The following TXNRD1 variants were observed in gnomAD, a reference collection of about 807,000 sequenced individuals.
TXNRD1 encodes the protein thioredoxin reductase 1, cytoplasmic.
A neutral mutation model predicts 80.3 loss-of-function variants in TXNRD1; 57 were observed. The ratio of observed to expected loss-of-function variants is 0.71; its 90% CI spans 0.57 to 0.89. The LOEUF (loss-of-function observed/expected upper bound fraction) is 0.89, where lower values mean the gene tolerates loss of function less well. Among genes scored for constraint, TXNRD1 ranks in the 40% least tolerant of loss-of-function variants. TXNRD1 has a pLI of 0.00. For synonymous variants in TXNRD1, 291 were observed against 285.2 expected, an observed-to-expected ratio of 1.02 and a Z score of -0.20; for missense variants, 730 against 803.0, an observed-to-expected ratio of 0.91 and a Z score of 1.10.
chr12:104,337,259 A>G (rs891681006), intron 15 of TXNRD1, among the ~76,000 whole-genome samples: 5 of 152,010 alleles, frequency 3.3e-5, no homozygotes, highest in South Asian at 4.1e-4. Context: ...GTGTAAGAGT[A>G]CCATATGCAA....
chr12:104,238,234 T>C (rs2032780578), intron 1 of TXNRD1, among the ~76,000 whole-genome samples: 1 of 152,200 alleles, frequency 6.6e-6, no homozygotes, highest in Non-Finnish European at 1.5e-5. Context: ...AAAGACGGTT[T>C]ATAATCAAGC....
At chr12:104,258,559 G>A (rs997396111) in intron 3 of TXNRD1, among the ~76,000 whole-genome samples, 4 of 152,194 alleles carry the variant, frequency 2.6e-5, no homozygotes, top group Admixed American at 1.3e-4. Context: ...AAAATGGAAA[G>A]CTTCTTTCTA....
chr12:104,325,764 C>T (rs533136415), intron 11 of TXNRD1, among the ~76,000 whole-genome samples: 6 of 151,498 alleles, frequency 4.0e-5, no homozygotes, highest in East Asian at 1.9e-4. Flanking sequence ...CCCAGCTATT[C>T]GGGACGTTGA....
intron 4 of TXNRD1, among the ~76,000 whole-genome samples, chr12:104,290,820 A>C (rs2034176463): frequency 6.9e-6 from 1 of 145,260 alleles, no homozygotes; most frequent in African/African-American, 2.5e-5. Flanking sequence ...TTACATTTAC[A>C]AAGTTATATA....
intron 4 of TXNRD1, among the ~76,000 whole-genome samples, chr12:104,307,397 A>G (rs531916299): frequency 6.6e-6 from 1 of 152,306 alleles, no homozygotes; most frequent in East Asian, 1.9e-4. Context: ...GCACTTCTTG[A>G]CTTAGTTCCA....
At chr12:104,281,118 C>T (rs1272270727) in intron 3 of TXNRD1, among the ~76,000 whole-genome samples, 1 of 152,096 alleles carries the variant, frequency 6.6e-6, no homozygotes, top group Non-Finnish European at 1.5e-5. Context: ...CTATTGTTTT[C>T]CCCCACCTCC....
intron 16 of TXNRD1, among the ~76,000 whole-genome samples, chr12:104,346,337 G>A (rs1054854576): frequency 2.0e-5 from 3 of 152,150 alleles, no homozygotes; most frequent in African/African-American, 2.4e-5. Flanking sequence ...ACTGATCAAC[G>A]ATGGCAGTTT....
At chr12:104,324,947 T>G (rs2035703669) in intron 10 of TXNRD1, among the ~76,000 whole-genome samples, 1 of 152,216 alleles carries the variant, frequency 6.6e-6, no homozygotes, top group Non-Finnish European at 1.5e-5. Flanking sequence ...AGAGAATCTC[T>G]GAATTTGGGC....
At chr12:104,309,752 C>G in intron 4 of TXNRD1, 1 of 1,513,160 alleles carries the variant, frequency 6.6e-7, no homozygotes, top group Admixed American at 2.0e-5. Flanking sequence ...TTGTTTTTCC[C>G]CCACAGTGCT....
At chr12:104,334,113 C>A in intron 14 of TXNRD1, 124 bp from the exon 15 acceptor site, 1 of 427,902 alleles carries the variant, frequency 2.3e-6, no homozygotes, top group Non-Finnish European at 4.1e-6. Flanking sequence ...CTATTTATTC[C>A]ATGAATTTTA....
At chr12:104,255,511 A>C (rs887292279) in intron 2 of TXNRD1, among the ~76,000 whole-genome samples, 4 of 152,142 alleles carry the variant, frequency 2.6e-5, no homozygotes, top group African/African-American at 9.7e-5. Flanking sequence ...ATTTAAACAT[A>C]CAGTTGCCCG....
chr12:104,307,068 C>T lies in TXNRD1; in HGVS notation c.415-4222C>T, dbSNP rs187477670. Among the ~76,000 whole-genome samples the T allele has an allele frequency of 2.0e-5, 3 of 152,210 alleles. No homozygotes were observed. The East Asian group carries it at 5.8e-4, about 29-fold the overall frequency. ...TGTTAAAATATAAAGTTGACCACTT[C>T]TGTTTCTATTTTTACTGGTTGGCAT... On this transcript the variant is annotated intron_variant, in intron 4 of 16. Transcript: ENST00000525566.
intron 16 of TXNRD1, among the ~76,000 whole-genome samples, chr12:104,343,827 G>C (rs2036405723): frequency 6.6e-6 from 1 of 150,376 alleles, no homozygotes; most frequent in African/African-American, 2.5e-5. Flanking sequence ...AAAATGGCCT[G>C]GCTCAGTGGC....
intron 3 of TXNRD1, among the ~76,000 whole-genome samples, chr12:104,286,513 C>A (rs1356967705): frequency 6.6e-6 from 1 of 152,182 alleles, no homozygotes; most frequent in South Asian, 2.1e-4. Context: ...CTTTAGGGAA[C>A]TGCCAAACTG....
intron 1 of TXNRD1, among the ~76,000 whole-genome samples, chr12:104,225,364 C>A (rs12812451): frequency 6.6e-6 from 1 of 152,092 alleles, no homozygotes; most frequent in Non-Finnish European, 1.5e-5. Flanking sequence ...TGTACTTAAC[C>A]ACTGTGCTCT....
chr12:104,258,884 T>C (rs1234855293), intron 3 of TXNRD1, among the ~76,000 whole-genome samples: 1 of 151,866 alleles, frequency 6.6e-6, no homozygotes, highest in African/African-American at 2.4e-5. Flanking sequence ...GAGCTATGAT[T>C]GCACCATTGC....
chr12:104,304,445 G>GT, intron 4 of TXNRD1: 1 of 1,613,990 alleles, frequency 6.2e-7, no homozygotes, highest in East Asian at 2.2e-5. Flanking sequence ...ATTCCATTTT[G>GT]TTTTTGGTTC....
intron 3 of TXNRD1, among the ~76,000 whole-genome samples, chr12:104,272,566 G>A (rs949082269): frequency 3.3e-5 from 5 of 152,134 alleles, no homozygotes; most frequent in Non-Finnish European, 7.3e-5. Flanking sequence ...AGGCCAAGGC[G>A]AGCAGATCAC....
intron 3 of TXNRD1, chr12:104,288,610 G>A (rs1314030780): frequency 1.2e-5 from 6 of 481,714 alleles, no homozygotes; most frequent in African/African-American, 9.8e-5. Flanking sequence ...TCTGAATTCG[G>A]GATTTACCGG....
Sources: allele counts gnomAD v4.1 joint callset (sites outside exome capture counted in the v4.1 genomes callset), GRCh38; gene constraint gnomAD v4.1.1; transcripts MANE v1.5; gene names NCBI Gene and HGNC (gene_info 2026-07-23, HGNC 2026-07-21).